Variants in BRF1 observed in about 807,000 individuals in gnomAD.
The protein encoded by BRF1 is BRF1 general transcription factor IIIB subunit.
A neutral mutation model predicts 81.7 loss-of-function variants in BRF1; 59 were observed. That is an observed-to-expected ratio of 0.72 (90% CI 0.59 to 0.90). The LOEUF (loss-of-function observed/expected upper bound fraction) is 0.90, where lower values mean the gene tolerates loss of function less well. BRF1 is among the 40% of genes least tolerant of loss of function. The pLI is 0.00. For missense variants in BRF1, 1,050 were observed against 936.3 expected, an observed-to-expected ratio of 1.12 and a Z score of -1.58; for synonymous variants, 491 against 395.6, an observed-to-expected ratio of 1.24 and a Z score of -2.86.
At chr14:105,280,431 G>A (rs942975852) in intron 2 of BRF1, among the ~76,000 whole-genome samples, 8 of 152,256 alleles carry the variant, frequency 5.3e-5, no homozygotes, top group Non-Finnish European at 8.8e-5. Context: ...CACTCTGTAT[G>A]AAACTGTAAC....
chr14:105,270,233 G>A (rs1269779154), intron 3 of BRF1, among the ~76,000 whole-genome samples: 3 of 151,016 alleles, frequency 2.0e-5, no homozygotes, highest in South Asian at 4.2e-4. Context: ...GAGTGCAGTG[G>A]CGCGATCTCG....
intron 1 of BRF1, among the ~76,000 whole-genome samples, chr14:105,291,524 A>G (rs1282917798): frequency 6.6e-6 from 1 of 150,456 alleles, no homozygotes; most frequent in Non-Finnish European, 1.5e-5. Context: ...AAAACATACA[A>G]AAAAAAAATT....
chr14:105,251,943 A>G (rs2055639942), intron 5 of BRF1, among the ~76,000 whole-genome samples: 1 of 152,098 alleles, frequency 6.6e-6, no homozygotes, highest in African/African-American at 2.4e-5. Flanking sequence ...CAGGAGTTCC[A>G]CAAACTCGCA....
Position 105,300,785 on chromosome 14 carries a change from G to A in BRF1, c.-156C>T. 2 of 445,172 alleles carry A rather than the reference G, an allele frequency of 4.5e-6. No individual in the cohort carries two copies. 27.6% of individuals were successfully genotyped at this position (445,172 alleles called of 1,614,324 possible). The stretch of plus-strand genomic sequence containing the variant: ...GCCGATTCGCAGCCGCAGATTCGCC[G>A]CGCGCGCCCGGGCCGCGCCGCCCGC... On this transcript the variant is annotated 5_prime_UTR_variant, in exon 1 of 18. Transcript: ENST00000547530.
At chr14:105,212,415 C>A (rs1890265696) in intron 15 of BRF1, 4 of 484,514 alleles carry the variant, frequency 8.3e-6, no homozygotes, top group Non-Finnish European at 1.5e-5. Context: ...AGACGCCCCG[C>A]TCCCCAGCCC....
chr14:105,250,013 A>G, intron 5 of BRF1: 1 of 1,612,886 alleles, frequency 6.2e-7, no homozygotes, highest in East Asian at 2.2e-5. Flanking sequence ...GGGGCTGCCA[A>G]TCACCCCACG....
chr14:105,280,183 T>A (rs996280323), intron 2 of BRF1, among the ~76,000 whole-genome samples: 2 of 152,196 alleles, frequency 1.3e-5, no homozygotes, highest in African/African-American at 4.8e-5. Context: ...GTGGCGCACC[T>A]AGGCGGTGGA....
At position 105,309,855 on chromosome 14, in the gene BRF1, G is replaced by A. The variant is rs908891240; in HGVS notation, c.-162+5467C>T. On this transcript the variant is annotated intron_variant, in intron 1 of 17. Coordinates refer to the BRF1 transcript ENST00000327359. The surrounding 1 kb of genome is among the most constrained non-coding windows in gnomAD (Gnocchi z 4.0). ...GGCAGGAGTGCAGTGGCACAATCTC[G>A]GCTCACTGCAAGCTCCGCCTCCTGG... is the stretch of plus-strand genomic sequence containing the variant. Among the ~76,000 whole-genome samples the A allele has an allele frequency of 1.4e-5, 2 of 144,082 alleles. No homozygotes were observed. The highest frequency in any genetic ancestry group is 7.3e-5 in the Admixed American group (1 of 13,790). 94.5% of individuals were successfully genotyped at this position (144,082 alleles called of 152,430 possible).
chr14:105,243,307 G>A (rs999706366), intron 5 of BRF1, among the ~76,000 whole-genome samples: 5 of 151,404 alleles, frequency 3.3e-5, no homozygotes, highest in South Asian at 2.1e-4. Flanking sequence ...AAAATTAGCC[G>A]GGTGTGGTGG....
intron 15 of BRF1, among the ~76,000 whole-genome samples, chr14:105,215,232 C>T (rs1236935346): frequency 6.6e-6 from 1 of 151,748 alleles, no homozygotes; most frequent in Non-Finnish European, 1.5e-5. Flanking sequence ...ACGCCCCACG[C>T]ACACAGAGAA....
chr14:105,300,410 C>G, intron 1 of BRF1, 36 bp downstream of exon 1: 2 of 1,493,630 alleles, frequency 1.3e-6, no homozygotes, highest in Non-Finnish European at 1.8e-6. Flanking sequence ...TAAGCCGCAC[C>G]GAGAAATCCG....
chr14:105,257,599 C>T (rs587608425), intron 3 of BRF1, among the ~76,000 whole-genome samples: 1 of 152,318 alleles, frequency 6.6e-6, no homozygotes, highest in South Asian at 2.1e-4. Flanking sequence ...TGAAGGCAGG[C>T]AGTCCCAGAG....
chr14:105,217,680 G>A lies in BRF1; in HGVS notation c.1636C>T (p.Leu546Phe), dbSNP rs1270959342. Residue 546 changes from leucine (L) to phenylalanine (F), a missense_variant, in exon 15 of 18, where the codon CTC (leucine) becomes TTC (phenylalanine). Leu to Phe is a conservative substitution (Grantham distance 22). Coordinates refer to ENST00000547530, the MANE Select transcript of BRF1 (RefSeq NM_001519.4). ...SKINYSVLRG[L>F]SSAGGGSPHR... is the part of the protein sequence containing the mutation. ...GGACTGCCCCCGCCGGCGCTGCTGA[G>A]GCCCCGGAGCACGCTATAATTGATC... 1.9e-6 allele frequency: 3 copies of A among 1,613,410 alleles called. No homozygotes were observed. In the South Asian group the frequency reaches 3.3e-5, roughly 18 times the overall value.
chr14:105,256,563 C>T lies in BRF1; in HGVS notation c.440-14G>A, dbSNP rs587617691. 1 of 1,612,442 alleles carries T rather than the reference C, an allele frequency of 6.2e-7. No individual in the cohort carries two copies. Among genetic ancestry groups the T allele is most frequent in the African/African-American group, 1.3e-5 (1 of 75,044 alleles). ...CCAGGAGCATGTCTGCAGCAGGAGT[C>T]AAGGATCCTGTCGAGTGGCTGCAAG... On this transcript the variant is annotated splice_polypyrimidine_tract_variant and intron_variant, in intron 3 of 17. Coordinates refer to ENST00000547530, the MANE Select transcript of BRF1 (RefSeq NM_001519.4).
chr14:105,306,472 T>C (rs1241368185), intron 1 of BRF1, among the ~76,000 whole-genome samples: 1 of 150,790 alleles, frequency 6.6e-6, no homozygotes, highest in Non-Finnish European at 1.5e-5. Context: ...CCCGGCTAAT[T>C]TTTTGTATTT....
chr14:105,308,087 G>A (rs1361446193), intron 1 of BRF1, among the ~76,000 whole-genome samples: 1 of 152,128 alleles, frequency 6.6e-6, no homozygotes, highest in Non-Finnish European at 1.5e-5. Context: ...GGAGGCTGAG[G>A]CAGGAGAATC....
At chr14:105,257,631 C>A (rs1056276642) in intron 3 of BRF1, among the ~76,000 whole-genome samples, 8 of 152,118 alleles carry the variant, frequency 5.3e-5, no homozygotes, top group Non-Finnish European at 1.2e-4. Flanking sequence ...CGGGCAGGAC[C>A]GACTGCAGCA....
In BRF1 at chr14:105,221,763, C is replaced by G. The variant is rs1892317774; in HGVS notation, c.1200G>C (p.Glu400Asp). The stretch of plus-strand genomic sequence containing the variant: ...CCAGGGCCGGAGGTCTGCCGCCCCA[C>G]TCGGGGCTTCCTGCTGCTTCCGAGC... Reference protein sequence around the residue: ...PGSSEAAGSPEWGGRPPALGS... With the variant: ...PGSSEAAGSPDWGGRPPALGS... Residue 400 changes from glutamate to aspartate, a missense_variant, in exon 11 of 18, where the codon GAG (glutamate) becomes GAC (aspartate). This residue lies in a region of BRF1 where 1,043 missense variants were observed against 915.4 expected (regional missense o/e 1.14). Transcript: ENST00000547530. 1 of 1,611,412 alleles carries G rather than the reference C, an allele frequency of 6.2e-7. No individual in the cohort carries two copies. Among genetic ancestry groups the G allele is most frequent in the Non-Finnish European group, 8.5e-7 (1 of 1,179,708 alleles).
At chr14:105,216,817 C>G (rs1166436263) in intron 15 of BRF1, among the ~76,000 whole-genome samples, 1 of 152,224 alleles carries the variant, frequency 6.6e-6, no homozygotes, top group Non-Finnish European at 1.5e-5. Flanking sequence ...CCCGGAGACT[C>G]GGTGGGGTGG....
Sources: gnomAD v4.1 joint callset for allele counts (sites outside exome capture counted in the v4.1 genomes callset) on GRCh38, gnomAD v4.1.1 for gene constraint, gnomAD v4.1.1 regional missense constraint, Gnocchi (gnomAD v3.1) non-coding constraint, MANE v1.5 for transcripts, NCBI Gene and HGNC (gene_info 2026-07-23, HGNC 2026-07-21) for gene names.